Variants in ENOX1 observed in about 807,000 individuals in gnomAD.
The protein encoded by ENOX1 is ecto-NOX disulfide-thiol exchanger 1.
A neutral mutation model predicts 82.5 loss-of-function variants in ENOX1; 42 were observed. The ratio of observed to expected loss-of-function variants is 0.51; its 90% CI spans 0.40 to 0.66. ENOX1 has a LOEUF of 0.66. Among genes scored for constraint, ENOX1 ranks in the 30% least tolerant of loss-of-function variants. The pLI, the probability that ENOX1 is intolerant of heterozygous loss-of-function variation, is 0.00. For missense variants in ENOX1, 608 were observed against 811.6 expected (o/e 0.75, Z 3.05); for synonymous variants, 271 against 282.2 (o/e 0.96, Z 0.40).
chr13:43,739,320 G>A (rs1162043576), intron 1 of ENOX1, among the ~76,000 whole-genome samples: 1 of 152,086 alleles, frequency 6.6e-6, no homozygotes, highest in Non-Finnish European at 1.5e-5. Flanking sequence ...GGCCAAGTCG[G>A]GCAGATTGCT....
chr13:43,660,898 A>G lies in ENOX1; in HGVS notation c.-219+6581T>C, dbSNP rs555390939. Among the ~76,000 whole-genome samples, 36 of 152,080 alleles carry G rather than the reference A, an allele frequency of 2.4e-4. No homozygotes were observed. In the East Asian group the frequency reaches 3.7e-3, roughly 16 times the overall value. ...CAGACTAGGGCTCCTGGCATAAGGG[A>G]AAAAAAAGCTCTTCTGCTTACAACA... On this transcript the variant is annotated intron_variant, in intron 2 of 16. Transcript: ENST00000690772.
intron 1 of ENOX1, among the ~76,000 whole-genome samples, chr13:43,736,100 T>C (rs1051211866): frequency 6.6e-6 from 1 of 152,240 alleles, no homozygotes; most frequent in African/African-American, 2.4e-5. Flanking sequence ...CATCGTTTAA[T>C]GTACCTTATT....
chr13:43,391,293 A>G (rs570092084), intron 5 of ENOX1, among the ~76,000 whole-genome samples: 49 of 152,092 alleles, frequency 3.2e-4, no homozygotes, highest in African/African-American at 1.1e-3. Flanking sequence ...TTCCTAAACT[A>G]TAACTGCTGG....
chr13:43,383,287 A>G (rs1263101172), intron 5 of ENOX1, among the ~76,000 whole-genome samples: 1 of 152,126 alleles, frequency 6.6e-6, no homozygotes, highest in Non-Finnish European at 1.5e-5. Context: ...TCTTCTCCCA[A>G]CTTGTTAAAT....
chr13:43,635,293 G>A (rs1211561823), intron 2 of ENOX1, among the ~76,000 whole-genome samples: 3 of 152,112 alleles, frequency 2.0e-5, no homozygotes, highest in Non-Finnish European at 2.9e-5. Flanking sequence ...ACTTAAAACC[G>A]GGATTTGGTG....
intron 11 of ENOX1, among the ~76,000 whole-genome samples, chr13:43,302,231 AAAG>A (rs1174298750): frequency 6.6e-6 from 1 of 152,232 alleles, no homozygotes; most frequent in Admixed American, 6.5e-5. Context: ...GATAATAAAA[AAAG>A]AATAGAATTA....
At chr13:43,728,471 A>C (rs112876863) in intron 1 of ENOX1, among the ~76,000 whole-genome samples, 178 of 152,256 alleles carry the variant, frequency 1.2e-3, no homozygotes, top group African/African-American at 4.0e-3. Flanking sequence ...CCACAGTACT[A>C]CTCATCTCTC....
At chr13:43,267,672 G>A (rs2044460213) in intron 13 of ENOX1, among the ~76,000 whole-genome samples, 1 of 152,206 alleles carries the variant, frequency 6.6e-6, no homozygotes, top group Admixed American at 6.5e-5. Flanking sequence ...GTGCACATCT[G>A]TGTGTGGGTA....
intron 14 of ENOX1, among the ~76,000 whole-genome samples, chr13:43,240,484 A>G (rs556915786): frequency 6.6e-6 from 1 of 152,168 alleles, no homozygotes; most frequent in South Asian, 2.1e-4. Context: ...GAGTCAGCCT[A>G]CTGCAAAAAT....
intron 1 of ENOX1, among the ~76,000 whole-genome samples, chr13:43,779,117 G>T (rs749272181): frequency 6.7e-6 from 1 of 150,366 alleles, no homozygotes; most frequent in Admixed American, 6.6e-5. Context: ...CAAATCTAAG[G>T]AGCAATGCCC....
intron 2 of ENOX1, among the ~76,000 whole-genome samples, chr13:43,505,076 G>GA (rs1344441010): frequency 4.0e-5 from 6 of 151,864 alleles, no homozygotes; most frequent in Admixed American, 6.6e-5. Flanking sequence ...ATCTTTTGGT[G>GA]AGGTAATATC....
chr13:43,707,758 C>CAAAAAAAAAAA (rs1566805024), intron 1 of ENOX1, among the ~76,000 whole-genome samples: 5 of 40,922 alleles, frequency 1.2e-4, no homozygotes, highest in Admixed American at 2.8e-4. Flanking sequence ...AAAAAAAAAC[C>CAAAAAAAAAAA]AAGAACAAAG....
rs370457092 is a variant in ENOX1 at position 43,412,311 on chromosome 13, A to G, written c.71-258T>C. 2.0e-4 allele frequency among the ~76,000 whole-genome samples: 31 copies of G among 152,362 alleles called. No individual in the cohort carries two copies. The South Asian group carries it at 6.2e-3, about 31-fold the overall frequency. The stretch of plus-strand genomic sequence containing the variant: ...TATTAAGGAGGTACCCCTGGAAAAA[A>G]ATCGAAGAATTGTTTCCTTCTCCCA... On this transcript the variant is annotated intron_variant, in intron 4 of 16. Transcript: ENST00000690772.
At chr13:43,597,924 C>T (rs1011782496) in intron 2 of ENOX1, among the ~76,000 whole-genome samples, 4 of 152,146 alleles carry the variant, frequency 2.6e-5, no homozygotes, top group South Asian at 2.1e-4. Flanking sequence ...TCATCCCTTC[C>T]GAATGGTACC....
chr13:43,237,552 A>G (rs2042608931), intron 14 of ENOX1, among the ~76,000 whole-genome samples: 1 of 152,208 alleles, frequency 6.6e-6, no homozygotes, highest in African/African-American at 2.4e-5. Context: ...GATGGCTCCA[A>G]AGAAGGACTA....
chr13:43,346,452 GCCTGGGAATGCCCACAAAACA>G (rs1336045896), intron 8 of ENOX1, among the ~76,000 whole-genome samples: 1 of 152,136 alleles, frequency 6.6e-6, no homozygotes, highest in Non-Finnish European at 1.5e-5. Flanking sequence ...GAGATAACTG[GCCTGGGAATGCCCACAAAACA>G]CCCTGTGAAT....
At chr13:43,763,632 A>C (rs1951113404) in intron 1 of ENOX1, among the ~76,000 whole-genome samples, 1 of 152,158 alleles carries the variant, frequency 6.6e-6, no homozygotes. Context: ...AGCCTCATTC[A>C]CTTCCCAAAA....
intron 13 of ENOX1, among the ~76,000 whole-genome samples, chr13:43,267,777 T>A (rs986157470): frequency 6.6e-6 from 1 of 152,192 alleles, no homozygotes; most frequent in African/African-American, 2.4e-5. Context: ...AACAGCTTGG[T>A]AATGGCACCA....
At chr13:43,351,240 T>C (rs2049763954) in intron 8 of ENOX1, among the ~76,000 whole-genome samples, 1 of 152,166 alleles carries the variant, frequency 6.6e-6, no homozygotes. Context: ...ACAGACAGCA[T>C]AAAAGGCTAA....
Sources: allele counts gnomAD v4.1 joint callset (sites outside exome capture counted in the v4.1 genomes callset), GRCh38; gene constraint gnomAD v4.1.1; transcripts MANE v1.5; gene names NCBI Gene and HGNC (gene_info 2026-07-23, HGNC 2026-07-21).